The following BCAS3 variants were observed in gnomAD, a reference collection of about 807,000 sequenced individuals.
The protein encoded by BCAS3 is BCAS3 microtubule associated cell migration factor.
BCAS3 carries 53 observed loss-of-function variants against 116.1 expected under a neutral mutation model. The ratio of observed to expected loss-of-function variants is 0.46; its 90% confidence interval spans 0.37 to 0.57. The LOEUF (loss-of-function observed/expected upper bound fraction) is 0.57. Among genes scored for constraint, BCAS3 ranks in the 20% least tolerant of loss-of-function variants. BCAS3 has a pLI of 0.00. For synonymous variants in BCAS3, 391 were observed against 408.2 expected (o/e 0.96, Z 0.51); for missense variants, 917 against 1,165.4 (o/e 0.79, Z 3.10).
At chr17:61,359,690 C>A (rs960287307) in intron 22 of BCAS3, among the ~76,000 whole-genome samples, 1 of 152,172 alleles carries the variant, frequency 6.6e-6, no homozygotes, top group Non-Finnish European at 1.5e-5. Flanking sequence ...AGGGTTTTGC[C>A]ATGTTGGCCA....
intron 14 of BCAS3, among the ~76,000 whole-genome samples, chr17:60,963,272 T>A (rs2061496023): frequency 6.6e-6 from 1 of 152,016 alleles, no homozygotes. Flanking sequence ...TCTGTAAGAA[T>A]GTTGTTGGAA....
intron 15 of BCAS3, chr17:61,003,853 A>G (rs879469538): frequency 6.6e-6 from 1 of 152,154 alleles, no homozygotes; most frequent in Non-Finnish European, 1.5e-5. Flanking sequence ...GAATGTGGGA[A>G]GGGCATACCG....
At chr17:60,793,778 T>TAC (rs1445840765) in intron 6 of BCAS3, among the ~76,000 whole-genome samples, 1 of 152,146 alleles carries the variant, frequency 6.6e-6, no homozygotes, top group Non-Finnish European at 1.5e-5. Flanking sequence ...TATATATATA[T>TAC]ACACACCAGA....
intron 6 of BCAS3, among the ~76,000 whole-genome samples, chr17:60,748,514 G>A (rs181469675): frequency 7.3e-4 from 111 of 152,212 alleles, no homozygotes; most frequent in African/African-American, 2.5e-3. Context: ...ATTCTAGACC[G>A]TCCTTTTCTA....
chr17:61,059,149 C>G (rs2069715236), intron 19 of BCAS3, among the ~76,000 whole-genome samples: 1 of 126,252 alleles, frequency 7.9e-6, no homozygotes, highest in African/African-American at 2.9e-5. Flanking sequence ...GTGGCACAAT[C>G]TCGGCTCGCT....
intron 22 of BCAS3, among the ~76,000 whole-genome samples, chr17:61,210,900 A>C (rs1416315106): frequency 6.6e-6 from 1 of 152,154 alleles, no homozygotes; most frequent in Non-Finnish European, 1.5e-5. Context: ...AAACAAAGGC[A>C]TGTATAAACC....
intron 7 of BCAS3, among the ~76,000 whole-genome samples, chr17:60,837,950 C>T (rs1276431288): frequency 6.6e-6 from 1 of 152,048 alleles, no homozygotes; most frequent in East Asian, 1.9e-4. Flanking sequence ...CGTGCCTGGC[C>T]ACACAATACT....
chr17:61,332,900 G>A lies in BCAS3; in HGVS notation c.2426-35427G>A, dbSNP rs943159557. 6.6e-6 allele frequency among the ~76,000 whole-genome samples: 1 copy of A among 152,226 alleles called. No individual in the cohort carries two copies. The highest frequency in any genetic ancestry group is 2.4e-5 in the African/African-American group (1 of 41,454). On this transcript the variant is annotated intron_variant, in intron 22 of 23. Coordinates refer to ENST00000407086, the MANE Select transcript of BCAS3 (RefSeq NM_017679.5). The surrounding 1 kb of genome is among the most constrained non-coding windows in gnomAD (Gnocchi z 5.4). ...CAAAGTGCTGGGATTATAGGCGTGAGCCATGGCACCCGGCCTATCCCCATC... is the reference window on the plus strand; with the variant it reads ...CAAAGTGCTGGGATTATAGGCGTGAACCATGGCACCCGGCCTATCCCCATC...
rs75229063 is a variant in BCAS3, at chr17:60,924,518, CTTTTTTTT to C, written c.1087+29_1087+36del. 1.0e-5 allele frequency: 11 copies of C among 1,100,114 alleles called. No individual in the cohort carries two copies. Among genetic ancestry groups the C allele is most frequent in the Admixed American group, 2.8e-5 (1 of 35,840 alleles). 68.1% of individuals were successfully genotyped at this position (1,100,114 alleles called of 1,614,324 possible). A position where few individuals can be genotyped will look rare whatever the true frequency, so the allele number is the denominator to read the frequency against. ...TACAAGTGGTAAGTTCGCTCTCTGT[CTTTTTTTT>C]TTTTTTTTTTGTAGACCATTTATAT... On this transcript the variant is annotated intron_variant, in intron 13 of 23. Coordinates refer to ENST00000407086, the MANE Select transcript of BCAS3 (RefSeq NM_017679.5).
rs528280940 is a variant in BCAS3 at position 61,339,336 on chromosome 17, G to T, written c.2426-28991G>T. ...GTTTGGTGAGTGCACTGGCTCCCTT[G>T]GATCCAGGGGATAAGGATACAATGG... is the stretch of plus-strand genomic sequence containing the variant. On this transcript the variant is annotated intron_variant, in intron 22 of 23. Transcript: ENST00000407086. The surrounding 1 kb of genome is among the most constrained non-coding windows in gnomAD (Gnocchi z 4.4). Among the ~76,000 whole-genome samples, 30 of 152,324 alleles carry T rather than the reference G, an allele frequency of 2.0e-4. No homozygotes were observed. The Middle Eastern group carries it at 0.01, about 52-fold the overall frequency.
At position 60,909,040 on chromosome 17, in the gene BCAS3, T is replaced by G. The variant is rs113379873; in HGVS notation, c.823-1492T>G. On this transcript the variant is annotated intron_variant, in intron 11 of 23. Coordinates refer to ENST00000407086, the MANE Select transcript of BCAS3 (RefSeq NM_017679.5). ...ATTGGGTAACTGTTTGAGCTTCCATTTTACTTAACTTCCCTAGCCTCGATT... is the reference window on the plus strand; with the variant it reads ...ATTGGGTAACTGTTTGAGCTTCCATGTTACTTAACTTCCCTAGCCTCGATT... Among the ~76,000 whole-genome samples the G allele has an allele frequency of 3.7e-3, 568 of 152,246 alleles. 3 individuals carry two copies. The highest frequency in any genetic ancestry group is 0.013 in the African/African-American group (541 of 41,530).
intron 7 of BCAS3, among the ~76,000 whole-genome samples, chr17:60,831,245 C>T (rs961560913): frequency 2.0e-5 from 3 of 152,036 alleles, no homozygotes; most frequent in South Asian, 2.1e-4. Flanking sequence ...GGCACGGTCT[C>T]GGCTTACTGC....
intron 7 of BCAS3, among the ~76,000 whole-genome samples, chr17:60,812,584 T>C (rs1392544775): frequency 6.6e-6 from 1 of 152,180 alleles, no homozygotes; most frequent in Non-Finnish European, 1.5e-5. Context: ...AGGAGATTTA[T>C]GACAAATGAA....
At chr17:60,948,190 C>T (rs1487812841) in intron 14 of BCAS3, among the ~76,000 whole-genome samples, 1 of 152,046 alleles carries the variant, frequency 6.6e-6, no homozygotes, top group African/African-American at 2.4e-5. Flanking sequence ...CTCACTGCAA[C>T]CTCTGCCTCC....
rs1236699192 is a variant in BCAS3 at position 60,962,752 on chromosome 17, C to T, written c.1221+15400C>T. Among the ~76,000 whole-genome samples the T allele has an allele frequency of 6.6e-6, 1 of 152,066 alleles. No individual in the cohort carries two copies. The highest frequency in any genetic ancestry group is 1.5e-5 in the Non-Finnish European group (1 of 68,000). ...TAGAAGCTTCTTAGCTTCAGGTAAT[C>T]CCATTTGTCTATTTTGCTTTGGTTG... On this transcript the variant is annotated intron_variant, in intron 14 of 23. Coordinates refer to ENST00000407086, the MANE Select transcript of BCAS3 (RefSeq NM_017679.5). This position sits in a 1 kb window ranked among gnomAD's most constrained non-coding sequence, Gnocchi z 4.4.
Position 61,041,409 on chromosome 17 carries a change from G to GTGT in BCAS3, c.2029+517_2029+518insTGT, listed in dbSNP as rs1304589455. Among the ~76,000 whole-genome samples the GTGT allele has an allele frequency of 4.5e-4, 68 of 152,248 alleles. No homozygotes were observed. Among genetic ancestry groups the GTGT allele is most frequent in the Non-Finnish European group, 6.0e-4 (41 of 67,984 alleles). ...ATGTTTAAGCGTGAGCATTTGTAGA[G>GTGT]ACTGAACCAAGTTCATTGACCTAGA... On this transcript the variant is annotated intron_variant, in intron 19 of 23. Transcript: ENST00000407086. This position sits in a 1 kb window ranked among gnomAD's most constrained non-coding sequence, Gnocchi z 4.7.
intron 2 of BCAS3, among the ~76,000 whole-genome samples, chr17:60,681,890 T>C (rs975098851): frequency 2.0e-5 from 3 of 151,998 alleles, no homozygotes; most frequent in African/African-American, 7.2e-5. Flanking sequence ...CCACCATGCC[T>C]GGCTAATTTT....
At chr17:61,039,388 T>C (rs2067318047) in intron 18 of BCAS3, among the ~76,000 whole-genome samples, 1 of 152,204 alleles carries the variant, frequency 6.6e-6, no homozygotes, top group African/African-American at 2.4e-5. Context: ...TTAAATAATG[T>C]TGCTGTGAAC....
At chr17:60,824,855 C>G (rs1366462495) in intron 7 of BCAS3, among the ~76,000 whole-genome samples, 1 of 152,144 alleles carries the variant, frequency 6.6e-6, no homozygotes, top group Non-Finnish European at 1.5e-5. Context: ...TACACATGCA[C>G]AAACACATTT....
Sources: allele counts gnomAD v4.1 joint callset (sites outside exome capture counted in the v4.1 genomes callset), GRCh38; gene constraint gnomAD v4.1.1; non-coding constraint Gnocchi (gnomAD v3.1); transcripts MANE v1.5; gene names NCBI Gene and HGNC (gene_info 2026-07-23, HGNC 2026-07-21).